IRF4: variants seen among roughly 807,000 people sequenced by gnomAD.
IRF4 encodes the protein interferon regulatory factor 4, also known as lymphocyte-specific interferon regulatory factor.
A neutral mutation model predicts 55.5 loss-of-function variants in IRF4; 13 were observed. The ratio of observed to expected loss-of-function variants is 0.23; its 90% confidence interval spans 0.15 to 0.37. The LOEUF (loss-of-function observed/expected upper bound fraction) is 0.37, where lower values mean the gene tolerates loss of function less well. Ranked by LOEUF, IRF4 falls within the 10% of genes least tolerant of loss-of-function variation. The pLI is 1.00. For missense variants in IRF4, 397 were observed against 593.8 expected (o/e 0.67, Z 3.44); for synonymous variants, 249 against 240.7 (o/e 1.03, Z -0.32).
intron 6 of IRF4, among the ~76,000 whole-genome samples, chr6:401,025 T>G (rs1299218869): frequency 2.0e-5 from 3 of 152,202 alleles, no homozygotes; most frequent in African/African-American, 7.2e-5. Context: ...ACTATCATCA[T>G]CATAATTCAC....
intron 6 of IRF4, among the ~76,000 whole-genome samples, chr6:400,530 T>C (rs1761368609): frequency 6.6e-6 from 1 of 152,216 alleles, no homozygotes; most frequent in African/African-American, 2.4e-5. Context: ...TTACATGAAC[T>C]TTTAGAGTAT....
At chr6:404,881 GC>G in intron 7 of IRF4, 136 bp from the exon 8 acceptor site, 3 of 611,606 alleles carry the variant, frequency 4.9e-6, no homozygotes, top group Non-Finnish European at 8.7e-6. Context: ...CACATCAAGA[GC>G]CCCACTCAGC....
rs751335149 is a variant in IRF4, at chr6:405,088, G to C, written c.1170G>C (p.Glu390Asp). ...RFQVTLCFGE[E>D]FPDPQRQRKL... is the part of the protein sequence containing the mutation. The stretch of plus-strand genomic sequence containing the variant: ...AGGTGACTCTATGCTTTGGAGAGGA[G>C]TTTCCAGACCCTCAGAGGCAAAGAA... The change falls in exon 8 of 9, where the codon GAG (glutamate) becomes GAC (aspartate). Residue 390 changes from glutamate to aspartate, a missense_variant. Glu to Asp is a conservative substitution (Grantham distance 45). Around this residue, in one of 3 missense-constraint regions of IRF4, gnomAD observed 341 missense variants for 548.1 expected, o/e 0.62. Transcript: ENST00000380956. The C allele has an allele frequency of 4.3e-6, 7 of 1,613,760 alleles. No individual in the cohort carries two copies. Among genetic ancestry groups the C allele is most frequent in the Non-Finnish European group, 5.9e-6 (7 of 1,179,774 alleles).
In IRF4 at chr6:393,126, G is replaced by A. The variant is rs1246357960; in HGVS notation, c.-27G>A. On this transcript the variant is annotated 5_prime_UTR_variant, in exon 2 of 9. Coordinates refer to ENST00000380956, the MANE Select transcript of IRF4 (RefSeq NM_002460.4). The surrounding 1 kb of genome is among the most constrained non-coding windows in gnomAD (Gnocchi z 5.4). ...AGAGCAGAGCGGGCGGAGGACCCCGGGCGCGGGCGCGGACGGCACGCGGGG... is the reference window on the plus strand; with the variant it reads ...AGAGCAGAGCGGGCGGAGGACCCCGAGCGCGGGCGCGGACGGCACGCGGGG... 2 of 1,543,018 alleles carry A rather than the reference G, an allele frequency of 1.3e-6. No individual in the cohort carries two copies. The highest frequency in any genetic ancestry group is 1.8e-6 in the Non-Finnish European group (2 of 1,142,474).
intron 6 of IRF4, among the ~76,000 whole-genome samples, chr6:400,387 G>A (rs1410966043): frequency 6.6e-6 from 1 of 152,118 alleles, no homozygotes; most frequent in East Asian, 1.9e-4. Flanking sequence ...ACTCATGGGC[G>A]ATATTTTAAA....
chr6:397,035 G>A, intron 4 of IRF4, 73 bp from the exon 5 acceptor site: 1 of 1,483,986 alleles, frequency 6.7e-7, no homozygotes, highest in Non-Finnish European at 9.1e-7. Context: ...TCCTATCTCA[G>A]CCTCTCCTGC....
chr6:406,851 A>G, intron 8 of IRF4: 1 of 1,135,860 alleles, frequency 8.8e-7, no homozygotes, highest in South Asian at 1.9e-5. Context: ...CTTGCCTTAG[A>G]TGCTGTAAAT....
intron 2 of IRF4, among the ~76,000 whole-genome samples, chr6:394,257 G>C (rs532132176): frequency 1.4e-4 from 22 of 152,300 alleles, no homozygotes; most frequent in African/African-American, 5.3e-4. Flanking sequence ...TGGGTGGGTA[G>C]AGCCCCCTCA....
In IRF4 at chr6:393,362, C is replaced by G. The variant is rs9378788; in HGVS notation, c.210C>G (p.Leu70=). 1 of 1,588,482 alleles carries G rather than the reference C, an allele frequency of 6.3e-7. No homozygotes were observed. Among genetic ancestry groups the G allele is most frequent in the Middle Eastern group, 1.7e-4 (1 of 5,952 alleles). The stretch of plus-strand genomic sequence containing the variant: ...ACAACCGCGAGGAGGACGCCGCGCT[C>G]TTCAAGGTCTCCGGCCTCGGGAGCC... ...QDYNREEDAA[L]FKAWALFKGK... The change falls in exon 2 of 9, where the codon CTC becomes CTG. Residue 70 remains leucine, a synonymous_variant. Transcript: ENST00000380956. The surrounding 1 kb of genome is among the most constrained non-coding windows in gnomAD (Gnocchi z 5.4).
At chr6:404,357 G>T (rs1168562401) in intron 7 of IRF4, among the ~76,000 whole-genome samples, 2 of 152,176 alleles carry the variant, frequency 1.3e-5, no homozygotes, top group South Asian at 2.1e-4. Flanking sequence ...GGGAGGCCAG[G>T]GGGGCTGCCC....
intron 5 of IRF4, chr6:397,487 C>A (rs1419154680): frequency 3.8e-6 from 2 of 519,636 alleles, no homozygotes; most frequent in East Asian, 6.3e-5. Context: ...CTTATTTAAA[C>A]ACCACAGAGA....
chr6:394,681 G>C, intron 2 of IRF4, 140 bp from the exon 3 acceptor site: 1 of 778,596 alleles, frequency 1.3e-6, no homozygotes. Context: ...CTAGAACTCA[G>C]GAGTTCGATG....
intron 2 of IRF4, among the ~76,000 whole-genome samples, chr6:394,156 G>A (rs1313340543): frequency 6.6e-6 from 1 of 152,230 alleles, no homozygotes; most frequent in Admixed American, 6.5e-5. Flanking sequence ...TGCTCTCAGA[G>A]TGCCTCAGCT....
chr6:394,443 A>T (rs377399870), intron 2 of IRF4, among the ~76,000 whole-genome samples: 5 of 152,342 alleles, frequency 3.3e-5, no homozygotes, highest in African/African-American at 4.8e-5. Context: ...TCTTTCTTTT[A>T]GAAATACAAT....
At chr6:392,146 C>T (rs1761119423) in intron 1 of IRF4, among the ~76,000 whole-genome samples, 1 of 152,256 alleles carries the variant, frequency 6.6e-6, no homozygotes, top group African/African-American at 2.4e-5. Flanking sequence ...AAGGCACCCA[C>T]ACAAGACGGC....
chr6:392,223 C>T (rs897705455), intron 1 of IRF4, among the ~76,000 whole-genome samples: 2 of 152,248 alleles, frequency 1.3e-5, no homozygotes, highest in African/African-American at 4.8e-5. Context: ...CCCTGCTCTT[C>T]GTTCCTAAGG....
intron 6 of IRF4, among the ~76,000 whole-genome samples, chr6:400,774 T>C (rs973275570): frequency 9.3e-6 from 1 of 107,902 alleles, no homozygotes; most frequent in Non-Finnish European, 1.9e-5. Flanking sequence ...CCTAATTCTA[T>C]ATATAATTTA....
chr6:393,418 CAG>C lies in IRF4; in HGVS notation c.216+53_216+54del. The C allele has an allele frequency of 1.5e-6, 2 of 1,361,622 alleles. No individual in the cohort carries two copies. The highest frequency in any genetic ancestry group is 9.8e-7 in the Non-Finnish European group (1 of 1,020,596). The allele number at this position is 1,361,622 out of a possible 1,614,324, so 84.3% of individuals were successfully genotyped here. A position where few individuals can be genotyped will look rare whatever the true frequency, so the allele number is the denominator to read the frequency against. On this transcript the variant is annotated intron_variant, in intron 2 of 8. Coordinates refer to ENST00000380956, the MANE Select transcript of IRF4 (RefSeq NM_002460.4). The surrounding 1 kb of genome is among the most constrained non-coding windows in gnomAD (Gnocchi z 5.4). ...GGGCGCGCCGGGGAGGGCCCAGAGA[CAG>C]AGCCCGGGGTCCCCGGCGCCGCCTC...
At chr6:404,781 A>G (rs1761501134) in intron 7 of IRF4, among the ~76,000 whole-genome samples, 1 of 152,226 alleles carries the variant, frequency 6.6e-6, no homozygotes. Context: ...GCTGTCGACT[A>G]GTTCCTCTTG....
Sources: allele counts gnomAD v4.1 joint callset (sites outside exome capture counted in the v4.1 genomes callset), GRCh38; gene constraint gnomAD v4.1.1; regional missense constraint gnomAD v4.1.1; non-coding constraint Gnocchi (gnomAD v3.1); transcripts MANE v1.5; gene names NCBI Gene and HGNC (gene_info 2026-07-23, HGNC 2026-07-21).